The following LRRIQ1 variants were observed in gnomAD, a reference collection of about 807,000 sequenced individuals.
LRRIQ1 encodes the protein leucine rich repeats and IQ motif containing 1, also known as leucine-rich repeat- and IQ domain-containing protein 1.
A neutral mutation model predicts 211.9 loss-of-function variants in LRRIQ1; 210 were observed. That is an observed-to-expected ratio of 0.99 (90% CI 0.89 to 1.11). The LOEUF is 1.11. Among genes scored for constraint, LRRIQ1 ranks in the 50% most tolerant of loss-of-function variants. The pLI is 0.00. For missense variants in LRRIQ1, 2,136 were observed against 1,939.5 expected (o/e 1.10, Z -1.90); for synonymous variants, 699 against 650.1 (o/e 1.08, Z -1.14).
intron 24 of LRRIQ1, among the ~76,000 whole-genome samples, chr12:85,165,130 C>T (rs938526438): frequency 6.6e-6 from 1 of 151,960 alleles, no homozygotes; most frequent in African/African-American, 2.4e-5. Context: ...AAAGAGTGAC[C>T]ATTTTTAAAA....
intron 1 of LRRIQ1, among the ~76,000 whole-genome samples, chr12:85,255,290 G>C (rs994603720): frequency 4.6e-5 from 7 of 151,880 alleles, no homozygotes; most frequent in African/African-American, 1.4e-4. Context: ...TGTAAGTGAT[G>C]CCATTCTACT....
At chr12:85,149,016 ATTTG>A (rs1426568756) in intron 19 of LRRIQ1, among the ~76,000 whole-genome samples, 1 of 151,628 alleles carries the variant, frequency 6.6e-6, no homozygotes, top group Non-Finnish European at 1.5e-5. Context: ...TTTCTTGTAA[ATTTG>A]TTTGAGTTCC....
In LRRIQ1 at chr12:85,056,344, A is replaced by G; in HGVS notation, c.1551A>G (p.Leu517=). 1.3e-6 allele frequency: 2 copies of G among 1,595,662 alleles called. No individual in the cohort carries two copies. The highest frequency in any genetic ancestry group is 1.2e-5 in the South Asian group (1 of 85,456). Reference sequence around the variant, plus strand: ...AAACTGAATTGGGAAACTCTGATCTAAAAGGAAATCTGAAAGAACAGTTTC... The same window carrying G: ...AAACTGAATTGGGAAACTCTGATCTGAAAGGAAATCTGAAAGAACAGTTTC... ...DNKTELGNSD[L]KGNLKEQFPL... The change falls in exon 8 of 27, where the codon CTA becomes CTG. Residue 517 remains leucine, a synonymous_variant. Coordinates refer to ENST00000393217, the MANE Select transcript of LRRIQ1 (RefSeq NM_001079910.2).
At chr12:85,138,053 T>C (rs1889264091) in intron 19 of LRRIQ1, 84 bp downstream of exon 19, 4 of 819,708 alleles carry the variant, frequency 4.9e-6, no homozygotes, top group South Asian at 4.5e-5. Context: ...TTCTAAGGTG[T>C]TTATCCTATT....
chr12:85,145,965 A>C (rs1889867194), intron 19 of LRRIQ1, among the ~76,000 whole-genome samples: 1 of 151,784 alleles, frequency 6.6e-6, no homozygotes, highest in Non-Finnish European at 1.5e-5. Context: ...TAAGTATACT[A>C]TTCCAGTGGC....
chr12:85,157,023 T>C (rs1890588413), intron 23 of LRRIQ1, among the ~76,000 whole-genome samples: 1 of 151,886 alleles, frequency 6.6e-6, no homozygotes, highest in Non-Finnish European at 1.5e-5. Context: ...TTTGTACATG[T>C]TTTTATCAGT....
At chr12:85,188,971 T>C (rs768386015) in intron 24 of LRRIQ1, among the ~76,000 whole-genome samples, 24 of 152,278 alleles carry the variant, frequency 1.6e-4, no homozygotes, top group South Asian at 4.1e-4. Context: ...ACCTATCCAA[T>C]TCAGCAAACT....
chr12:85,172,913 C>A (rs1246179395), intron 24 of LRRIQ1, among the ~76,000 whole-genome samples: 1 of 151,708 alleles, frequency 6.6e-6, no homozygotes, highest in African/African-American at 2.4e-5. Context: ...TCGAGACCAT[C>A]CTGGTGAACA....
chr12:85,205,721 C>G (rs1317999133), intron 24 of LRRIQ1, among the ~76,000 whole-genome samples: 1 of 152,146 alleles, frequency 6.6e-6, no homozygotes, highest in African/African-American at 2.4e-5. Flanking sequence ...CTCTCCATGT[C>G]TTTCTGGGAA....
chr12:85,088,718 G>C (rs1207311611), intron 11 of LRRIQ1, among the ~76,000 whole-genome samples: 1 of 152,136 alleles, frequency 6.6e-6, no homozygotes. Flanking sequence ...GTTGTGAATG[G>C]AGTTACTTAT....
chr12:85,052,155 T>A (rs1880411393), intron 6 of LRRIQ1, 22 bp from the exon 7 acceptor site: 1 of 1,253,532 alleles, frequency 8.0e-7, no homozygotes, highest in African/African-American at 1.5e-5. Context: ...TATAGTCATA[T>A]TTATTATTAT....
At chr12:85,217,079 A>G (rs1256872490) in intron 24 of LRRIQ1, among the ~76,000 whole-genome samples, 2 of 151,912 alleles carry the variant, frequency 1.3e-5, no homozygotes, top group Non-Finnish European at 2.9e-5. Context: ...ATATATATTC[A>G]GTATTTCATT....
At chr12:85,175,204 A>G (rs957851627) in intron 24 of LRRIQ1, among the ~76,000 whole-genome samples, 6 of 152,136 alleles carry the variant, frequency 3.9e-5, no homozygotes, top group Non-Finnish European at 8.8e-5. Context: ...TGGTAAACCA[A>G]TAAAAACTAA....
intron 15 of LRRIQ1, among the ~76,000 whole-genome samples, chr12:85,120,861 G>A (rs185905496): frequency 1.3e-5 from 2 of 152,344 alleles, no homozygotes; most frequent in Non-Finnish European, 2.9e-5. Context: ...TCGGCTAGTA[G>A]TTCTAAATGG....
chr12:85,069,970 T>G (rs921587746), intron 10 of LRRIQ1, among the ~76,000 whole-genome samples: 17 of 152,064 alleles, frequency 1.1e-4, no homozygotes, highest in Non-Finnish European at 2.4e-4. Flanking sequence ...AATTTTGGCT[T>G]TTGTTGCCAT....
intron 24 of LRRIQ1, among the ~76,000 whole-genome samples, chr12:85,204,737 T>C (rs60357127): frequency 0.15 from 22,268 of 152,092 alleles, 3,249 homozygotes; most frequent in African/African-American, 0.38. Flanking sequence ...TGTACCCCCA[T>C]TGTATCTAGG....
At chr12:85,052,561 T>C (rs932438985) in intron 7 of LRRIQ1, among the ~76,000 whole-genome samples, 3 of 152,084 alleles carry the variant, frequency 2.0e-5, no homozygotes, top group African/African-American at 7.2e-5. Flanking sequence ...CTTACTCTTT[T>C]TCCTAAACAC....
chr12:85,102,857 A>G (rs1247476305), intron 13 of LRRIQ1, among the ~76,000 whole-genome samples: 1 of 150,206 alleles, frequency 6.7e-6, no homozygotes, highest in Non-Finnish European at 1.5e-5. Flanking sequence ...TTTATTTTGT[A>G]ACAGAGATAG....
intron 24 of LRRIQ1, among the ~76,000 whole-genome samples, chr12:85,167,488 AG>A (rs35418974): frequency 0.057 from 8,726 of 152,202 alleles, 843 homozygotes; most frequent in African/African-American, 0.2. Flanking sequence ...TAAGTCCAAG[AG>A]TCCAAAAGCT....
Sources: gnomAD v4.1 joint callset for allele counts (sites outside exome capture counted in the v4.1 genomes callset) on GRCh38, gnomAD v4.1.1 for gene constraint, MANE v1.5 for transcripts, NCBI Gene and HGNC (gene_info 2026-07-23, HGNC 2026-07-21) for gene names.